The following FLNB variants were observed in gnomAD, a reference collection of about 807,000 sequenced individuals.
The protein encoded by FLNB is filamin B, also known as filamin-B.
FLNB carries 111 observed loss-of-function variants against 250.6 expected under a neutral mutation model. The observed-to-expected ratio is 0.44, with a 90% CI of 0.38 to 0.52. The LOEUF (loss-of-function observed/expected upper bound fraction) is 0.52. Ranked by LOEUF, FLNB falls within the 20% of genes least tolerant of loss-of-function variation. The pLI is 0.00. For synonymous variants in FLNB, 1,302 were observed against 1,372.1 expected (o/e 0.95, Z 1.13); for missense variants, 2,869 against 3,447.8 (o/e 0.83, Z 4.20).
Position 58,169,154 on chromosome 3 carries a change from A to T in FLNB, c.7418-436A>T. 1 of 273,526 alleles carries T rather than the reference A, an allele frequency of 3.7e-6. No homozygotes were observed. Among genetic ancestry groups the T allele is most frequent in the Non-Finnish European group, 7.1e-6 (1 of 141,634 alleles). 16.9% of individuals were successfully genotyped at this position (273,526 alleles called of 1,614,324 possible). A position where few individuals can be genotyped will look rare whatever the true frequency, so the allele number is the denominator to read the frequency against. The stretch of plus-strand genomic sequence containing the variant: ...ACTGTTACATAAAGAATGTAGGTTC[A>T]TCGCAGGAAAATTAGAAAATTCAGA... On this transcript the variant is annotated intron_variant, in intron 44 of 45. Coordinates refer to ENST00000295956, the MANE Select transcript of FLNB (RefSeq NM_001457.4). This position sits in a 1 kb window ranked among gnomAD's most constrained non-coding sequence, Gnocchi z 4.8.
chr3:58,065,630 A>G (rs2097184405), intron 1 of FLNB, among the ~76,000 whole-genome samples: 2 of 152,202 alleles, frequency 1.3e-5, no homozygotes, highest in Non-Finnish European at 2.9e-5. Flanking sequence ...GCGAGCTGCC[A>G]TTGTATTTTG....
chr3:58,029,127 A>G (rs918925680), intron 1 of FLNB, among the ~76,000 whole-genome samples: 3 of 151,962 alleles, frequency 2.0e-5, no homozygotes, highest in African/African-American at 7.3e-5. Context: ...TGGTGTTATG[A>G]CAATGATCCA....
At chr3:58,018,327 CTTTTTTTTTTTTTTT>C (rs60851192) in intron 1 of FLNB, among the ~76,000 whole-genome samples, 1 of 63,242 alleles carries the variant, frequency 1.6e-5, no homozygotes, top group African/African-American at 7.6e-5. Context: ...TATTCATTGA[CTTTTTTTTTTTTTTT>C]TTTTTTTTTT....
At chr3:58,051,024 C>T (rs1274525261) in intron 1 of FLNB, among the ~76,000 whole-genome samples, 4 of 152,228 alleles carry the variant, frequency 2.6e-5, no homozygotes, top group Non-Finnish European at 2.9e-5. Flanking sequence ...GACCTGATCA[C>T]ACTTTTGCTT....
intron 6 of FLNB, among the ~76,000 whole-genome samples, chr3:58,097,415 T>C (rs1175732183): frequency 1.3e-5 from 2 of 152,206 alleles, no homozygotes; most frequent in Non-Finnish European, 2.9e-5. Flanking sequence ...TATCTAAGAA[T>C]GATTTTCGTC....
At chr3:58,155,911 A>C in intron 40 of FLNB, 49 bp from the exon 41 acceptor site, 1 of 1,339,744 alleles carries the variant, frequency 7.5e-7, no homozygotes, top group African/African-American at 1.4e-5. Flanking sequence ...GCAAGAGTCC[A>C]CTCTGGGTCC....
intron 1 of FLNB, among the ~76,000 whole-genome samples, chr3:58,030,162 T>C (rs2097128969): frequency 6.6e-6 from 1 of 152,130 alleles, no homozygotes; most frequent in African/African-American, 2.4e-5. Flanking sequence ...ATACAGAGTT[T>C]GAGACAAATG....
intron 1 of FLNB, among the ~76,000 whole-genome samples, chr3:58,040,899 A>AT (rs1035548338): frequency 7.2e-5 from 11 of 151,936 alleles, no homozygotes; most frequent in Non-Finnish European, 1.0e-4. Flanking sequence ...TCTTTATTGT[A>AT]TTTTTTTTGG....
chr3:58,076,929 T>C, intron 1 of FLNB, 117 bp from the exon 2 acceptor site: 1 of 1,230,546 alleles, frequency 8.1e-7, no homozygotes, highest in Non-Finnish European at 1.2e-6. Flanking sequence ...CATTTCACTC[T>C]TAAATATCTC....
intron 1 of FLNB, among the ~76,000 whole-genome samples, chr3:58,044,954 C>T (rs977615274): frequency 6.6e-6 from 1 of 152,186 alleles, no homozygotes; most frequent in African/African-American, 2.4e-5. Flanking sequence ...AAACACTAAT[C>T]AGTGCTGATT....
chr3:58,070,728 T>G (rs1658383), intron 1 of FLNB, among the ~76,000 whole-genome samples: 3 of 150,948 alleles, frequency 2.0e-5, no homozygotes, highest in Non-Finnish European at 4.4e-5. Context: ...GGTGCTATCT[T>G]GGCTCACTGC....
Position 58,135,968 on chromosome 3 carries a change from A to G in FLNB, c.4672-11A>G, listed in dbSNP as rs72884428. ...ACAACATCCTAAATAGCATTTCTCT[A>G]TGATCCACAGGACCAAGAAGGAAAA... On this transcript the variant is annotated splice_polypyrimidine_tract_variant and intron_variant, in intron 27 of 45. Transcript: ENST00000295956. 1.2e-4 allele frequency: 191 copies of G among 1,613,628 alleles called. No individual in the cohort carries two copies. In the African/African-American group the frequency reaches 2.0e-3, roughly 17 times the overall value.
At chr3:58,080,469 A>G (rs553926656) in intron 3 of FLNB, among the ~76,000 whole-genome samples, 1 of 151,124 alleles carries the variant, frequency 6.6e-6, no homozygotes, top group South Asian at 2.1e-4. Context: ...TAAGCTGAAT[A>G]TCAAGAGAAG....
intron 1 of FLNB, among the ~76,000 whole-genome samples, chr3:58,058,940 A>G (rs185117843): frequency 5.6e-4 from 85 of 152,350 alleles, no homozygotes; most frequent in African/African-American, 2.0e-3. Flanking sequence ...TACCCAAACT[A>G]TCTTCTGGAG....
chr3:58,034,049 C>T lies in FLNB; in HGVS notation c.292+25193C>T, dbSNP rs563291213. On this transcript the variant is annotated intron_variant, in intron 1 of 45. Coordinates refer to ENST00000295956, the MANE Select transcript of FLNB (RefSeq NM_001457.4). ...CTAATTTTTGTATTTTTAGTAGAGA[C>T]GGGGTTTCACCATGTTGGTCATGCT... Among the ~76,000 whole-genome samples the T allele has an allele frequency of 2.1e-4, 32 of 151,460 alleles. No individual in the cohort carries two copies. In the South Asian group the frequency reaches 6.3e-3, roughly 30 times the overall value.
chr3:58,053,130 G>A (rs2097165103), intron 1 of FLNB, among the ~76,000 whole-genome samples: 5 of 152,208 alleles, frequency 3.3e-5, no homozygotes, highest in Admixed American at 1.3e-4. Context: ...CCTCTCTGCT[G>A]TAGATCTGAT....
rs2097265460 is a variant in FLNB, at chr3:58,109,786, GGAA to G, written c.2323+89_2323+91del. ...TAACGTTTCAATGCCTTTTGAACTA[GGAA>G]GTAGTCCATCTGAATAGGTAATCAT... On this transcript the variant is annotated intron_variant, in intron 15 of 45. Transcript: ENST00000295956. 3.2e-6 allele frequency: 5 copies of G among 1,569,162 alleles called. No homozygotes were observed. The South Asian group carries it at 5.6e-5, about 18-fold the overall frequency.
chr3:58,019,734 G>A (rs1373139266), intron 1 of FLNB, among the ~76,000 whole-genome samples: 5 of 152,142 alleles, frequency 3.3e-5, no homozygotes, highest in Admixed American at 6.5e-5. Context: ...CTTGATTCAT[G>A]TGAAACTGAA....
Position 58,120,458 on chromosome 3 carries a change from G to A in FLNB, c.2864-783G>A, listed in dbSNP as rs554566489. On this transcript the variant is annotated intron_variant, in intron 19 of 45. Transcript: ENST00000295956. ...CTTCAGAGTCAAGGTTCTCTGGGTT[G>A]TGGCAGGGGCCCTGTGTTCCCAGTG... 2.0e-5 allele frequency among the ~76,000 whole-genome samples: 3 copies of A among 152,328 alleles called. No homozygotes were observed. In the South Asian group the frequency reaches 6.2e-4, roughly 32 times the overall value.
Sources: allele counts gnomAD v4.1 joint callset (sites outside exome capture counted in the v4.1 genomes callset), GRCh38; gene constraint gnomAD v4.1.1; non-coding constraint Gnocchi (gnomAD v3.1); transcripts MANE v1.5; gene names NCBI Gene and HGNC (gene_info 2026-07-23, HGNC 2026-07-21).